Variants in DHPS observed in about 807,000 individuals in gnomAD.
The protein encoded by DHPS is migration-inducing gene 13.
DHPS carries 24 observed loss-of-function variants against 38.7 expected under a neutral mutation model. The observed-to-expected ratio is 0.62, with a 90% CI of 0.45 to 0.87. The LOEUF (loss-of-function observed/expected upper bound fraction) is 0.87. DHPS is among the 40% of genes least tolerant of loss of function. The pLI, the probability that DHPS is intolerant of heterozygous loss-of-function variation, is 0.00. For missense variants in DHPS, 510 were observed against 497.6 expected, an observed-to-expected ratio of 1.02 and a Z score of -0.24; for synonymous variants, 250 against 204.4, an observed-to-expected ratio of 1.22 and a Z score of -1.90.
At chr19:12,673,410 CTTTTTTTT>C (rs58676851), downstream of DHPS, 30 of 247,984 alleles carry the variant, frequency 1.2e-4, no homozygotes, top group Middle Eastern at 1.4e-3. Context: ...AGGCTAGGAT[CTTTTTTTT>C]TTTTTTTTTT....
At position 12,677,399 on chromosome 19, in the gene DHPS, G is replaced by A; in HGVS notation, c.679-3C>T. ...GGACTAAACACAGGGATGTGGTTCT[G>A]CAGAGAACATGACAGGACAGTGGCT... On this transcript the variant is annotated splice_region_variant and splice_polypyrimidine_tract_variant and intron_variant, in intron 5 of 8. Coordinates refer to ENST00000210060, the MANE Select transcript of DHPS (RefSeq NM_001930.4). The A allele has an allele frequency of 6.2e-7, 1 of 1,612,830 alleles. No homozygotes were observed. The highest frequency in any genetic ancestry group is 8.5e-7 in the Non-Finnish European group (1 of 1,179,230).
intron 7 of DHPS, chr19:12,676,616 C>A: frequency 4.5e-6 from 1 of 220,612 alleles, no homozygotes; most frequent in Non-Finnish European, 9.3e-6. Context: ...AGCAGGCTCC[C>A]TGTGGCACCT....
At position 12,677,200 on chromosome 19, in the gene DHPS, T is replaced by A; in HGVS notation, c.796A>T (p.Ile266Phe). 1 of 1,614,236 alleles carries A rather than the reference T, an allele frequency of 6.2e-7. No individual in the cohort carries two copies. Among genetic ancestry groups the A allele is most frequent in the Non-Finnish European group, 8.5e-7 (1 of 1,180,040 alleles). The change falls in exon 7 of 9, where the codon ATC becomes TTC. Residue 266 changes from isoleucine (I) to phenylalanine (F), a missense_variant. Transcript: ENST00000210060. The part of the protein sequence containing the change: ...VLDIVEDLRL[I>F]NTQAIFAKCT... ...TTGGCAAAGATGGCCTGTGTGTTGATGAGCCTCAGGTCTGGGGGAAGAGCG... is the reference window on the plus strand; with the variant it reads ...TTGGCAAAGATGGCCTGTGTGTTGAAGAGCCTCAGGTCTGGGGGAAGAGCG...
At chr19:12,673,098 CAG>C (rs1296119001), downstream of DHPS, 10 of 1,612,976 alleles carry the variant, frequency 6.2e-6, no homozygotes, top group East Asian at 4.5e-5. Context: ...GACAAAGACA[CAG>C]GGGAGCTGCT....
At chr19:12,678,185 G>C (rs754015009) in intron 5 of DHPS, among the ~76,000 whole-genome samples, 38 of 151,362 alleles carry the variant, frequency 2.5e-4, no homozygotes, top group Admixed American at 9.2e-4. Flanking sequence ...TTGAACCCAG[G>C]AGGTAGAGGT....
At chr19:12,680,695 G>A (rs962822853) in intron 1 of DHPS, among the ~76,000 whole-genome samples, 9 of 150,542 alleles carry the variant, frequency 6.0e-5, no homozygotes, top group Non-Finnish European at 8.9e-5. Flanking sequence ...CACCATGCCC[G>A]GCTAATTTTT....
chr19:12,679,082 CG>C (rs763372325), intron 5 of DHPS, among the ~76,000 whole-genome samples: 1 of 151,660 alleles, frequency 6.6e-6, no homozygotes, highest in Non-Finnish European at 1.5e-5. Context: ...GACTGCCTGA[CG>C]CCAGGAGTTC....
downstream of DHPS, chr19:12,673,263 C>G: frequency 6.2e-7 from 1 of 1,614,106 alleles, no homozygotes; most frequent in African/African-American, 1.3e-5. Context: ...GCGTGACACA[C>G]ATGTGGTCAG....
downstream of DHPS, chr19:12,673,241 C>G (rs1291545797): frequency 6.2e-7 from 1 of 1,614,040 alleles, no homozygotes; most frequent in South Asian, 1.1e-5. Flanking sequence ...AGCTGGACTG[C>G]TGCCTGAGCG....
In DHPS at chr19:12,681,740, C is replaced by G; in HGVS notation, c.27G>C (p.Ala9=). The G allele has an allele frequency of 5.6e-6, 9 of 1,611,722 alleles. No homozygotes were observed. Among genetic ancestry groups the G allele is most frequent in the Non-Finnish European group, 7.6e-6 (9 of 1,179,900 alleles). The change falls in exon 1 of 9, where the codon GCG becomes GCC. Residue 9 remains alanine (A), a synonymous_variant. Transcript: ENST00000210060. ...GCACGGCGGCCAGCGCCCCCGCTGG[C>G]GCCTCCCGTTCCAGGGAACCTTCCA... MEGSLERE[A]PAGALAAVLK...
At chr19:12,676,211 C>T in intron 7 of DHPS, 69 bp from the exon 8 acceptor site, 2 of 1,512,830 alleles carry the variant, frequency 1.3e-6, no homozygotes, top group East Asian at 4.7e-5. Flanking sequence ...AGGGAGGACA[C>T]CGTAGCCAAA....
chr19:12,678,224 C>T (rs2024681511), intron 5 of DHPS, among the ~76,000 whole-genome samples: 1 of 150,952 alleles, frequency 6.6e-6, no homozygotes, highest in Non-Finnish European at 1.5e-5. Context: ...CGCCATTGGA[C>T]TCTGGCCTGG....
chr19:12,675,508 C>A (rs781692627), downstream of DHPS: 30 of 1,601,404 alleles, frequency 1.9e-5, 1 homozygote, highest in South Asian at 2.3e-4. Context: ...CCACTCCCTA[C>A]CCCTCGCTCC....
chr19:12,677,993 T>C (rs1297508501), intron 5 of DHPS, among the ~76,000 whole-genome samples: 3 of 149,544 alleles, frequency 2.0e-5, no homozygotes, highest in Non-Finnish European at 3.0e-5. Flanking sequence ...TGGCTCACGC[T>C]TGTAATCCCA....
intron 1 of DHPS, chr19:12,681,348 G>A (rs2024804667): frequency 2.0e-6 from 2 of 1,015,676 alleles, no homozygotes; most frequent in Non-Finnish European, 2.8e-6. Flanking sequence ...CGCCTCCTCA[G>A]GTTACCGTAC....
downstream of DHPS, among the ~76,000 whole-genome samples, chr19:12,674,476 G>T (rs574594870): frequency 2.0e-5 from 3 of 152,314 alleles, no homozygotes; most frequent in South Asian, 6.2e-4. Context: ...TGGCGGACAA[G>T]CTCTTGCTTT....
chr19:12,674,023 G>A (rs563494975), downstream of DHPS, among the ~76,000 whole-genome samples: 5 of 152,292 alleles, frequency 3.3e-5, no homozygotes, highest in Non-Finnish European at 7.4e-5. Flanking sequence ...AGATGAGGCA[G>A]GAAGGGCATT....
Position 12,679,466 on chromosome 19 carries a change from C to G in DHPS, c.669G>C (p.Trp223Cys). 1 of 1,614,154 alleles carries G rather than the reference C, an allele frequency of 6.2e-7. No individual in the cohort carries two copies. The highest frequency in any genetic ancestry group is 1.1e-5 in the South Asian group (1 of 91,080). Residue 223 changes from tryptophan to cysteine, a missense_variant, in exon 5 of 9, where the codon TGG becomes TGC. By Grantham distance (215) the Trp-to-Cys change is radical. Transcript: ENST00000210060. ...CCGCTTAGGTCCTCACCTTCTGGGC[C>G]CAGTAATACACGGACTCTGGGTTGT... Reference protein sequence around the residue: ...EINNPESVYYWAQKNHIPVFS... With the variant: ...EINNPESVYYCAQKNHIPVFS...
chr19:12,679,904 T>C lies in DHPS; in HGVS notation c.391A>G (p.Thr131Ala). The C allele has an allele frequency of 6.2e-7, 1 of 1,613,710 alleles. No individual in the cohort carries two copies. The highest frequency in any genetic ancestry group is 8.5e-7 in the Non-Finnish European group (1 of 1,179,826). ...AGGTCTTCCTCCACGCCGCCAGCTG[T>C]GGTCACCAATACGTCCACCTGCAGC... Reference protein sequence around the residue: ...QHNMVDVLVTTAGGVEEDLIK... With the variant: ...QHNMVDVLVTAAGGVEEDLIK... The change falls in exon 3 of 9, where the codon ACA (threonine) becomes GCA (alanine). Residue 131 changes from threonine to alanine, a missense_variant. By Grantham distance (58) the Thr-to-Ala change is moderately conservative. Transcript: ENST00000210060.
Sources: gnomAD v4.1 joint callset for allele counts (sites outside exome capture counted in the v4.1 genomes callset) on GRCh38, gnomAD v4.1.1 for gene constraint, MANE v1.5 for transcripts, NCBI Gene and HGNC (gene_info 2026-07-23, HGNC 2026-07-21) for gene names.